The following PTPRA variants were observed in gnomAD, a reference collection of about 807,000 sequenced individuals.
PTPRA encodes receptor-type tyrosine-protein phosphatase alpha.
A neutral mutation model predicts 104.8 loss-of-function variants in PTPRA; 25 were observed. That is an observed-to-expected ratio of 0.24 (90% CI 0.17 to 0.33). PTPRA has a LOEUF of 0.33. Among genes scored for constraint, PTPRA ranks in the 10% least tolerant of loss-of-function variants. The probability of loss-of-function intolerance (pLI) is 1.00; values close to 1 mark genes in which losing one functional copy is unlikely to be tolerated. For missense variants in PTPRA, 765 were observed against 1,015.3 expected, an observed-to-expected ratio of 0.75 and a Z score of 3.35; for synonymous variants, 323 against 368.9, an observed-to-expected ratio of 0.88 and a Z score of 1.43.
intron 1 of PTPRA, among the ~76,000 whole-genome samples, chr20:2,900,378 G>A (rs992554468): frequency 1.3e-5 from 2 of 151,860 alleles, no homozygotes; most frequent in Non-Finnish European, 2.9e-5. Flanking sequence ...CCATTTTCTT[G>A]CCCCCAGCCC....
At chr20:3,031,629 G>A (rs1297797695) in intron 20 of PTPRA, among the ~76,000 whole-genome samples, 3 of 152,052 alleles carry the variant, frequency 2.0e-5, no homozygotes, top group South Asian at 2.1e-4. Flanking sequence ...CAAGGCATCC[G>A]CCCTGTTTAC....
At chr20:2,913,980 T>G (rs1783390090) in intron 1 of PTPRA, among the ~76,000 whole-genome samples, 1 of 152,226 alleles carries the variant, frequency 6.6e-6, no homozygotes, top group African/African-American at 2.4e-5. Flanking sequence ...TCATTGACAT[T>G]TCATTGAAAG....
chr20:2,924,727 C>T (rs751047814), intron 2 of PTPRA, among the ~76,000 whole-genome samples: 11 of 152,176 alleles, frequency 7.2e-5, no homozygotes, highest in Admixed American at 4.6e-4. Context: ...TGTCACCAGG[C>T]TGGAGTGCAG....
intron 2 of PTPRA, among the ~76,000 whole-genome samples, chr20:2,934,182 C>A (rs117845292): frequency 1.3e-5 from 2 of 152,094 alleles, no homozygotes; most frequent in Non-Finnish European, 2.9e-5. Context: ...TGGCTCACTG[C>A]GGCATCTACC....
At chr20:2,948,229 C>T (rs780585436) in intron 3 of PTPRA, among the ~76,000 whole-genome samples, 1 of 152,194 alleles carries the variant, frequency 6.6e-6, no homozygotes, top group African/African-American at 2.4e-5. Context: ...TTTTCAAGGA[C>T]TATAGCCCAT....
At chr20:2,893,066 A>C (rs1057159385) in intron 1 of PTPRA, among the ~76,000 whole-genome samples, 1 of 152,194 alleles carries the variant, frequency 6.6e-6, no homozygotes, top group Non-Finnish European at 1.5e-5. Context: ...CGGCTCTTGA[A>C]AGGTTTGGTT....
chr20:2,865,484 A>T, the PTPRA span: 2 of 1,613,838 alleles, frequency 1.2e-6, no homozygotes, highest in East Asian at 4.5e-5. This position sits in a 1 kb window ranked among gnomAD's most constrained non-coding sequence, Gnocchi z 5.2. Context: ...GAAATCACCC[A>T]TTGGCTACCT....
In PTPRA at chr20:2,882,975, CTTT is replaced by C. The variant is rs752857166; in HGVS notation, c.-129+9236_-129+9238del. ...ATCCAAAAGGCTTCCAAATCCAACA[CTTT>C]TTTTTTTTTTTTTTTTTTTTGAGAC... is the stretch of plus-strand genomic sequence containing the variant. On this transcript the variant is annotated intron_variant, in intron 1 of 23. Transcript: ENST00000399903. Among the ~76,000 whole-genome samples, 517 of 113,594 alleles carry C rather than the reference CTTT, an allele frequency of 4.6e-3. 4 individuals are homozygous for C. The highest frequency in any genetic ancestry group is 0.015 in the African/African-American group (442 of 28,866). 74.5% of individuals were successfully genotyped at this position (113,594 alleles called of 152,430 possible). A position where few individuals can be genotyped will look rare whatever the true frequency, so the allele number is the denominator to read the frequency against.
At position 2,923,830 on chromosome 20, in the gene PTPRA, A is replaced by G. The variant is rs1468494844; in HGVS notation, c.-50+545A>G. 2.6e-5 allele frequency among the ~76,000 whole-genome samples: 4 copies of G among 152,102 alleles called. No homozygotes were observed. The East Asian group carries it at 7.7e-4, about 29-fold the overall frequency. On this transcript the variant is annotated intron_variant, in intron 2 of 23. Coordinates refer to ENST00000399903, the MANE Select transcript of PTPRA (RefSeq NM_001385305.1). ...AATAAAAATAAAAAGACCAAAGTTA[A>G]TGCCCTGCCAGCATTGAATTAAAGC... is the stretch of plus-strand genomic sequence containing the variant.
In PTPRA at chr20:2,964,880, T is replaced by A; in HGVS notation, c.93T>A (p.Ile31=). 1 of 1,613,494 alleles carries A rather than the reference T, an allele frequency of 6.2e-7. No homozygotes were observed. Among genetic ancestry groups the A allele is most frequent in the Non-Finnish European group, 8.5e-7 (1 of 1,179,556 alleles). Residue 31 remains isoleucine, a synonymous_variant, in exon 5 of 24, where the codon ATT becomes ATA. Transcript: ENST00000399903. The part of the protein sequence containing the change: ...NATTVAPSVG[I]TRLINSSTAE... Reference sequence around the variant, plus strand: ...TTGTAGTTGCACCTTCTGTAGGAATTACAAGATTAATTAACTCATCAACGG... The same window carrying A: ...TTGTAGTTGCACCTTCTGTAGGAATAACAAGATTAATTAACTCATCAACGG...
At chr20:3,006,471 A>C (rs975175957) in intron 10 of PTPRA, among the ~76,000 whole-genome samples, 29 of 152,122 alleles carry the variant, frequency 1.9e-4, no homozygotes, top group Non-Finnish European at 1.3e-4. Flanking sequence ...GAGCCACCAC[A>C]TCTAGACCCT....
At chr20:2,920,551 C>T (rs1454537726) in intron 1 of PTPRA, among the ~76,000 whole-genome samples, 6 of 152,100 alleles carry the variant, frequency 3.9e-5, no homozygotes, top group African/African-American at 1.4e-4. Flanking sequence ...AGATGGGACA[C>T]CAGGAACACC....
chr20:3,035,216 G>C lies in PTPRA; in HGVS notation c.1921-369G>C, dbSNP rs887908039. Among the ~76,000 whole-genome samples, 4 of 152,304 alleles carry C rather than the reference G, an allele frequency of 2.6e-5. No homozygotes were observed. Among genetic ancestry groups the C allele is most frequent in the African/African-American group, 7.2e-5 (3 of 41,558 alleles). ...GAATGTGAATTGGTTCTGATTTTCT[G>C]AATTAGCAGTCTGGCGGATGTAAGC... On this transcript the variant is annotated intron_variant, in intron 20 of 23. Transcript: ENST00000399903. The surrounding 1 kb of genome is among the most constrained non-coding windows in gnomAD (Gnocchi z 5.8).
chr20:3,032,000 G>C (rs539735485), intron 20 of PTPRA, among the ~76,000 whole-genome samples: 20 of 152,300 alleles, frequency 1.3e-4, no homozygotes, highest in Admixed American at 1.2e-3. Flanking sequence ...AAATCTCATA[G>C]AGGTAATTGG....
chr20:2,901,575 G>A lies in PTPRA; in HGVS notation c.-128-21632G>A, dbSNP rs530120919. Reference sequence around the variant, plus strand: ...CATTTGTACTTTATTGTAAGTTCTTGCCTTAGAAATGCAGCTGAGATGAAT... The same window carrying A: ...CATTTGTACTTTATTGTAAGTTCTTACCTTAGAAATGCAGCTGAGATGAAT... On this transcript the variant is annotated intron_variant, in intron 1 of 23. Coordinates refer to ENST00000399903, the MANE Select transcript of PTPRA (RefSeq NM_001385305.1). Among the ~76,000 whole-genome samples, 7 of 152,212 alleles carry A rather than the reference G, an allele frequency of 4.6e-5. No homozygotes were observed. The East Asian group carries it at 1.4e-3, about 29-fold the overall frequency.
intron 13 of PTPRA, among the ~76,000 whole-genome samples, chr20:3,019,159 C>T (rs1346737107): frequency 7.0e-6 from 1 of 143,810 alleles, no homozygotes; most frequent in Non-Finnish European, 1.5e-5. Context: ...GGGGGCTGAT[C>T]CCCCAACCTC....
rs1244891961 is a variant in PTPRA, at chr20:2,898,853, G to A, written c.-128-24354G>A. ...AGCCTGGATGACAGGGCGAGACTCC[G>A]TCTCAAAAAAAAAAAATTTCTGGGC... On this transcript the variant is annotated intron_variant, in intron 1 of 23. Transcript: ENST00000399903. Among the ~76,000 whole-genome samples, 8 of 151,386 alleles carry A rather than the reference G, an allele frequency of 5.3e-5. No homozygotes were observed. In the East Asian group the frequency reaches 5.8e-4, roughly 11 times the overall value.
chr20:2,968,507 T>TTTTTTTTTTTTTTCAAATTC (rs759599927), intron 5 of PTPRA, among the ~76,000 whole-genome samples: 4 of 145,184 alleles, frequency 2.8e-5, no homozygotes, highest in East Asian at 2.0e-4. Context: ...CTTTTTTTTT[T>TTTTTTTTTTTTTTCAAATTC]TTCTCAAATT....
At chr20:2,940,244 T>C (rs1254569425) in intron 2 of PTPRA, among the ~76,000 whole-genome samples, 2 of 152,210 alleles carry the variant, frequency 1.3e-5, no homozygotes, top group Non-Finnish European at 2.9e-5. Context: ...TTTTTTAACC[T>C]ATGTACGTAG....
Sources: gnomAD v4.1 joint callset for allele counts (sites outside exome capture counted in the v4.1 genomes callset) on GRCh38, gnomAD v4.1.1 for gene constraint, Gnocchi (gnomAD v3.1) non-coding constraint, MANE v1.5 for transcripts, NCBI Gene and HGNC (gene_info 2026-07-23, HGNC 2026-07-21) for gene names.